The following ZBTB49 variants were observed in gnomAD, a reference collection of about 807,000 sequenced individuals.
The protein encoded by ZBTB49 is zinc finger and BTB domain-containing protein 49.
ZBTB49 carries 43 observed loss-of-function variants against 57.5 expected under a neutral mutation model. That is an observed-to-expected ratio of 0.75 (90% CI 0.59 to 0.97). ZBTB49 has a LOEUF of 0.97. Ranked by LOEUF, ZBTB49 falls within the 50% of genes least tolerant of loss-of-function variation. ZBTB49 has a pLI of 0.00. For synonymous variants in ZBTB49, 369 were observed against 362.1 expected (o/e 1.02, Z -0.22); for missense variants, 938 against 947.7 (o/e 0.99, Z 0.13).
intron 1 of ZBTB49, among the ~76,000 whole-genome samples, chr4:4,295,362 C>T (rs964291336): frequency 1.9e-4 from 29 of 152,262 alleles, no homozygotes; most frequent in African/African-American, 6.7e-4. Context: ...AGAACTCACT[C>T]ACTATCACAA....
At position 4,302,644 on chromosome 4, in the gene ZBTB49, G is replaced by C. The variant is rs769818473; in HGVS notation, c.808G>C (p.Glu270Gln). ...TTCTGAATGCATCCTGGAGTCTCCC[G>C]AGCACTTACCTTCCAACTTCCTGGC... The part of the protein sequence containing the change: ...SHSECILESP[E>Q]HLPSNFLAQP... Residue 270 changes from glutamate (E) to glutamine (Q), a missense_variant, in exon 3 of 8, where the codon GAG (glutamate) becomes CAG (glutamine). Physicochemically the swap from Glu to Gln is conservative, Grantham distance 29 (BLOSUM62 2). This residue lies in a region of ZBTB49 where 835 missense variants were observed against 819.1 expected (regional missense o/e 1.02). Transcript: ENST00000337872. 6.2e-7 allele frequency: 1 copy of C among 1,611,080 alleles called. No homozygotes were observed. The highest frequency in any genetic ancestry group is 8.5e-7 in the Non-Finnish European group (1 of 1,178,338).
chr4:4,296,456 T>G (rs1720207974), intron 1 of ZBTB49, among the ~76,000 whole-genome samples: 1 of 152,206 alleles, frequency 6.6e-6, no homozygotes, highest in South Asian at 2.1e-4. Context: ...CTGATAGTTT[T>G]AAAAACGGGA....
chr4:4,294,618 G>A (rs115472571), intron 1 of ZBTB49, among the ~76,000 whole-genome samples: 2,827 of 152,226 alleles, frequency 0.019, 87 homozygotes, highest in African/African-American at 0.064. Context: ...GCCTCCCAAA[G>A]TGGTAGAATT....
In ZBTB49 at chr4:4,303,285, G is replaced by T. The variant is rs534749727; in HGVS notation, c.1255+194G>T. Among the ~76,000 whole-genome samples, 360 of 152,162 alleles carry T rather than the reference G, an allele frequency of 2.4e-3. 3 individuals carry two copies. Among genetic ancestry groups the T allele is most frequent in the African/African-American group, 8.3e-3 (345 of 41,528 alleles). ...CATCTGACTTAAAGTTTTGTAAATGGTTTTATAAAGTCACTTTAAAAAGGT... is the reference window on the plus strand; with the variant it reads ...CATCTGACTTAAAGTTTTGTAAATGTTTTTATAAAGTCACTTTAAAAAGGT... On this transcript the variant is annotated intron_variant, in intron 3 of 7. Coordinates refer to ENST00000337872, the MANE Select transcript of ZBTB49 (RefSeq NM_145291.4).
intron 3 of ZBTB49, among the ~76,000 whole-genome samples, chr4:4,304,317 C>G (rs1720646657): frequency 6.6e-6 from 1 of 151,564 alleles, no homozygotes; most frequent in African/African-American, 2.4e-5. Flanking sequence ...CCTCTGCCTC[C>G]TGGGTTCAAT....
chr4:4,311,779 A>G (rs1277706294), intron 4 of ZBTB49, among the ~76,000 whole-genome samples: 1 of 152,234 alleles, frequency 6.6e-6, no homozygotes, highest in African/African-American at 2.4e-5. Context: ...ACATTTTCCA[A>G]AGTTTTGTCA....
intron 5 of ZBTB49, 77 bp from the exon 6 acceptor site, chr4:4,315,559 C>G (rs1011886300): frequency 1.1e-5 from 15 of 1,424,884 alleles, no homozygotes; most frequent in Non-Finnish European, 1.4e-5. Context: ...GGTATCTCCT[C>G]CCTCAGAGAG....
intron 7 of ZBTB49, 121 bp from the exon 8 acceptor site, chr4:4,320,516 TGTC>T: frequency 3.3e-6 from 4 of 1,209,416 alleles, no homozygotes; most frequent in Non-Finnish European, 4.6e-6. Flanking sequence ...GTCATGCGCC[TGTC>T]GTCCCAGCTA....
In ZBTB49 at chr4:4,315,710, G is replaced by A; in HGVS notation, c.1451G>A (p.Cys484Tyr). 1 of 1,614,080 alleles carries A rather than the reference G, an allele frequency of 6.2e-7. No homozygotes were observed. Among genetic ancestry groups the A allele is most frequent in the East Asian group, 2.2e-5 (1 of 44,838 alleles). Residue 484 changes from cysteine to tyrosine, a missense_variant, in exon 6 of 8, where the codon TGT (cysteine) becomes TAT (tyrosine). Physicochemically the swap from Cys to Tyr is radical, Grantham distance 194. Transcript: ENST00000337872. ...GAAAAACCACACTTGTGTGACATCT[G>A]TGGTCGAGGTACAGCTGAGTGTTTT... The part of the protein sequence containing the change: ...SGEKPHLCDI[C>Y]GRGFSNFSNL...
chr4:4,314,572 A>G (rs1332860180), intron 5 of ZBTB49, among the ~76,000 whole-genome samples: 2 of 152,146 alleles, frequency 1.3e-5, no homozygotes, highest in Non-Finnish European at 2.9e-5. Context: ...GGGTTTCGCC[A>G]TGCTGGCCAG....
At position 4,300,110 on chromosome 4, in the gene ZBTB49, G is replaced by A; in HGVS notation, c.152+13G>A. On this transcript the variant is annotated intron_variant, in intron 2 of 7. Coordinates refer to ENST00000337872, the MANE Select transcript of ZBTB49 (RefSeq NM_145291.4). Reference sequence around the variant, plus strand: ...GCCAGTATTTTAGGTGGGTATTTTAGACTTCATTCTCCTAGCTGTGAATTA... The same window carrying A: ...GCCAGTATTTTAGGTGGGTATTTTAAACTTCATTCTCCTAGCTGTGAATTA... 3.1e-6 allele frequency: 5 copies of A among 1,613,626 alleles called. No homozygotes were observed. Among genetic ancestry groups the A allele is most frequent in the Non-Finnish European group, 3.4e-6 (4 of 1,179,628 alleles).
At chr4:4,316,906 C>T (rs185739962) in intron 7 of ZBTB49, among the ~76,000 whole-genome samples, 11 of 152,272 alleles carry the variant, frequency 7.2e-5, no homozygotes, top group Middle Eastern at 3.4e-3. Context: ...ACTGTGGTGG[C>T]GTTCGCCTGT....
At chr4:4,314,330 C>G (rs1012678523) in intron 5 of ZBTB49, among the ~76,000 whole-genome samples, 2 of 152,192 alleles carry the variant, frequency 1.3e-5, no homozygotes. Flanking sequence ...GAAATCTGAA[C>G]TTTCTGAATT....
At position 4,293,062 on chromosome 4, in the gene ZBTB49, T is replaced by C. The variant is rs563479959; in HGVS notation, c.-20+2710T>C. 7.2e-5 allele frequency among the ~76,000 whole-genome samples: 11 copies of C among 152,354 alleles called. No individual in the cohort carries two copies. The East Asian group carries it at 2.1e-3, about 29-fold the overall frequency. On this transcript the variant is annotated intron_variant, in intron 1 of 7. Coordinates refer to ENST00000337872, the MANE Select transcript of ZBTB49 (RefSeq NM_145291.4). The stretch of plus-strand genomic sequence containing the variant: ...GAAAAAACCTCTAAAAGAGATCATC[T>C]AGTCCAATAGGGGACCTCTCCATTT...
At chr4:4,307,620 C>T (rs1360193881) in intron 4 of ZBTB49, among the ~76,000 whole-genome samples, 5 of 152,180 alleles carry the variant, frequency 3.3e-5, no homozygotes, top group Admixed American at 6.5e-5. Context: ...TTGTTGCCAT[C>T]CGCTTTCTCC....
intron 7 of ZBTB49, among the ~76,000 whole-genome samples, chr4:4,317,945 A>G (rs1000502222): frequency 1.3e-5 from 2 of 151,780 alleles, no homozygotes; most frequent in Non-Finnish European, 2.9e-5. Context: ...TTGGGGTTTC[A>G]CTGCTCTCCG....
chr4:4,320,212 C>T (rs976954300), intron 7 of ZBTB49, among the ~76,000 whole-genome samples: 6 of 152,330 alleles, frequency 3.9e-5, no homozygotes, highest in Admixed American at 1.3e-4. Context: ...CACCCATGTG[C>T]AGGGAGACTC....
At chr4:4,305,666 T>C (rs1468097088) in intron 3 of ZBTB49, among the ~76,000 whole-genome samples, 4 of 152,230 alleles carry the variant, frequency 2.6e-5, no homozygotes, top group Non-Finnish European at 5.9e-5. Flanking sequence ...TGAGGGGCTC[T>C]TTCCTTTTCA....
Position 4,302,440 on chromosome 4 carries a change from T to G in ZBTB49, c.604T>G (p.Cys202Gly). 6.2e-7 allele frequency: 1 copy of G among 1,614,228 alleles called. No homozygotes were observed. Among genetic ancestry groups the G allele is most frequent in the African/African-American group, 1.3e-5 (1 of 75,066 alleles). The change falls in exon 3 of 8, where the codon TGC (cysteine) becomes GGC (glycine). Residue 202 changes from cysteine to glycine, a missense_variant. Physicochemically the swap from Cys to Gly is radical, Grantham distance 159. Coordinates refer to ENST00000337872, the MANE Select transcript of ZBTB49 (RefSeq NM_145291.4). ...AGCTCCTGATACTTCAGATGGCAGC[T>G]GCACAGAACTGCCTTTCAAACAGCC... ...KQAPDTSDGS[C>G]TELPFKQPNY... is the part of the protein sequence containing the mutation.
Sources: allele counts gnomAD v4.1 joint callset (sites outside exome capture counted in the v4.1 genomes callset), GRCh38; gene constraint gnomAD v4.1.1; regional missense constraint gnomAD v4.1.1; transcripts MANE v1.5; gene names NCBI Gene and HGNC (gene_info 2026-07-23, HGNC 2026-07-21).